The following ZDHHC5 variants were observed in gnomAD, a reference collection of about 807,000 sequenced individuals.
ZDHHC5 encodes the protein zDHHC palmitoyltransferase 5.
Under a neutral mutation model 70.0 loss-of-function variants are expected in ZDHHC5, and 22 were observed. The observed-to-expected ratio is 0.31, with a 90% CI of 0.22 to 0.45. ZDHHC5 has a LOEUF of 0.45. ZDHHC5 is among the 20% of genes least tolerant of loss of function. The pLI is 1.00. For synonymous variants in ZDHHC5, 313 were observed against 347.8 expected, an observed-to-expected ratio of 0.90 and a Z score of 1.11; for missense variants, 746 against 926.9, an observed-to-expected ratio of 0.80 and a Z score of 2.53.
At chr11:57,676,009 T>TGAAGA (rs1304525151) in intron 2 of ZDHHC5, among the ~76,000 whole-genome samples, 9 of 152,326 alleles carry the variant, frequency 5.9e-5, no homozygotes, top group African/African-American at 1.9e-4. Context: ...TACAACTAGC[T>TGAAGA]ACATTATTAG....
In ZDHHC5 at chr11:57,700,796, T is replaced by G. The variant is rs1946432987; in HGVS notation, c.*765T>G. 1 of 152,610 alleles carries G rather than the reference T, an allele frequency of 6.6e-6. No individual in the cohort carries two copies. The highest frequency in any genetic ancestry group is 6.5e-5 in the Admixed American group (1 of 15,272). 9.5% of individuals were successfully genotyped at this position (152,610 alleles called of 1,614,324 possible). On this transcript the variant is annotated 3_prime_UTR_variant, in exon 12 of 12. Transcript: ENST00000287169. ...GTGGTGGGAGATCAGGAAAATAACT[T>G]GGCCTAGCTCAAACAATATTGGATA... is the stretch of plus-strand genomic sequence containing the variant.
rs1338403675 is a variant in ZDHHC5, at chr11:57,672,233, A to G, written c.-858A>G. The G allele has an allele frequency of 2.0e-5, 8 of 398,464 alleles. No individual in the cohort carries two copies. The highest frequency in any genetic ancestry group is 2.7e-5 in the Non-Finnish European group (6 of 226,038). 24.7% of individuals were successfully genotyped at this position (398,464 alleles called of 1,614,324 possible). A position where few individuals can be genotyped will look rare whatever the true frequency, so the allele number is the denominator to read the frequency against. On this transcript the variant is annotated 5_prime_UTR_variant, in exon 2 of 12. Transcript: ENST00000287169. ...CTTCAAGGATTTTAAGTTTCCCTTT[A>G]GTTTTACATGAACTTTGTAGGAAAC...
At chr11:57,674,404 G>C (rs1476103074) in intron 2 of ZDHHC5, among the ~76,000 whole-genome samples, 1 of 149,746 alleles carries the variant, frequency 6.7e-6, no homozygotes, top group African/African-American at 2.5e-5. Flanking sequence ...CCAGGCTTCT[G>C]AGCCTTATAC....
rs1403332060 is a variant in ZDHHC5 at position 57,672,315 on chromosome 11, C to A, written c.-776C>A. The A allele has an allele frequency of 1.5e-5, 6 of 398,070 alleles. No individual in the cohort carries two copies. Among genetic ancestry groups the A allele is most frequent in the Non-Finnish European group, 1.3e-5 (3 of 225,974 alleles). The allele number at this position is 398,070 out of a possible 1,614,324, so 24.7% of individuals were successfully genotyped here. On this transcript the variant is annotated 5_prime_UTR_variant, in exon 2 of 12. Transcript: ENST00000287169. ...AGAGATTGAAGACAGAGAAGCTTGC[C>A]CTGTTTTCCTTGCCCCTTCAAAGAA...
chr11:57,692,700 C>T lies in ZDHHC5; in HGVS notation c.750C>T (p.Pro250=). The change falls in exon 7 of 12, where the codon CCC becomes CCT. Residue 250 remains proline (P), a splice_region_variant and synonymous_variant. Transcript: ENST00000287169. ...VSRVLCSSPA[P]RYLGRPKKEK... ...GTGTTCTCTGCAGTTCTCCAGCACC[C>T]AGGTACACCTATCCCTCTGGTCTAG... is the stretch of plus-strand genomic sequence containing the variant. 6.2e-7 allele frequency: 1 copy of T among 1,614,138 alleles called. No individual in the cohort carries two copies. The highest frequency in any genetic ancestry group is 1.1e-5 in the South Asian group (1 of 91,080).
At chr11:57,697,757 G>A (rs1337869534) in intron 10 of ZDHHC5, among the ~76,000 whole-genome samples, 1 of 150,796 alleles carries the variant, frequency 6.6e-6, no homozygotes. Flanking sequence ...TTGAACCTGG[G>A]AGGTGGAGGC....
chr11:57,686,192 G>T (rs970396923), intron 3 of ZDHHC5, among the ~76,000 whole-genome samples: 1 of 152,106 alleles, frequency 6.6e-6, no homozygotes, highest in Non-Finnish European at 1.5e-5. Flanking sequence ...TGGAGGATCA[G>T]TTGAGCCCAG....
chr11:57,676,012 A>G (rs1371293826), intron 2 of ZDHHC5, among the ~76,000 whole-genome samples: 1 of 152,208 alleles, frequency 6.6e-6, no homozygotes, highest in East Asian at 1.9e-4. Context: ...AACTAGCTAC[A>G]TTATTAGAAG....
At chr11:57,689,789 G>T (rs1486802770) in intron 4 of ZDHHC5, among the ~76,000 whole-genome samples, 4 of 151,160 alleles carry the variant, frequency 2.6e-5, no homozygotes, top group African/African-American at 9.7e-5. Context: ...CTGGGCTCAA[G>T]CCCCAGCCCC....
intron 10 of ZDHHC5, among the ~76,000 whole-genome samples, chr11:57,697,786 C>T (rs1946373279): frequency 6.9e-6 from 1 of 145,370 alleles, no homozygotes; most frequent in Admixed American, 7.0e-5. Flanking sequence ...GCTGAGCTCC[C>T]ACTGCTGTAT....
intron 3 of ZDHHC5, among the ~76,000 whole-genome samples, chr11:57,683,553 G>A (rs1394837797): frequency 3.3e-5 from 5 of 152,158 alleles, no homozygotes; most frequent in African/African-American, 7.2e-5. Context: ...AATGTCAAAC[G>A]GGTTTGGAGG....
At chr11:57,696,084 C>T in intron 9 of ZDHHC5, 41 bp downstream of exon 9, 4 of 1,588,288 alleles carry the variant, frequency 2.5e-6, no homozygotes, top group Non-Finnish European at 3.4e-6. Flanking sequence ...GAACTAGGGG[C>T]AGGATTGAGA....
rs563072034 is a variant in ZDHHC5 at position 57,700,102 on chromosome 11, C to T, written c.*71C>T. ...GGGCCCCAGGTGGCCACCTTCCTTC[C>T]CTCAAGGGGCTCCCCTCCCGTGCAT... On this transcript the variant is annotated 3_prime_UTR_variant, in exon 12 of 12. Coordinates refer to ENST00000287169, the MANE Select transcript of ZDHHC5 (RefSeq NM_015457.3). 2.7e-6 allele frequency: 4 copies of T among 1,493,320 alleles called. No individual in the cohort carries two copies. Among genetic ancestry groups the T allele is most frequent in the Non-Finnish European group, 3.6e-6 (4 of 1,120,704 alleles). 92.5% of individuals were successfully genotyped at this position (1,493,320 alleles called of 1,614,324 possible).
In ZDHHC5 at chr11:57,698,560, T is replaced by G; in HGVS notation, c.1124T>G (p.Leu375Trp). The G allele has an allele frequency of 1.3e-6, 2 of 1,595,658 alleles. No individual in the cohort carries two copies. The highest frequency in any genetic ancestry group is 1.7e-6 in the Non-Finnish European group (2 of 1,171,478). Residue 375 changes from leucine to tryptophan, a missense_variant and splice_region_variant, in exon 11 of 12, where the codon TTG becomes TGG. By Grantham distance (61) the Leu-to-Trp change is moderately conservative. Around this residue, in one of 6 missense-constraint regions of ZDHHC5, gnomAD observed 179 missense variants for 178.4 expected, o/e 1.00. Transcript: ENST00000287169. ...AAMPHSSSAK[L>W]SRGDSLKEPT... The stretch of plus-strand genomic sequence containing the variant: ...AGCCTGCTTTACTTTCTTCCTCAGT[T>G]GAGTCGTGGGGACAGCTTGAAGGAG...
chr11:57,678,908 C>T (rs1946109598), intron 2 of ZDHHC5, among the ~76,000 whole-genome samples: 1 of 152,122 alleles, frequency 6.6e-6, no homozygotes, highest in Non-Finnish European at 1.5e-5. Flanking sequence ...CCTTCATTCT[C>T]ATGTTTGTAC....
Position 57,688,510 on chromosome 11 carries a change from G to C in ZDHHC5, c.229G>C (p.Glu77Gln). Reference sequence around the variant, plus strand: ...TAATTGACTTTTCCTCTCTACAGCTGAGGAGGATGAGGACAAGGAAGATGA... The same window carrying C: ...TAATTGACTTTTCCTCTCTACAGCTCAGGAGGATGAGGACAAGGAAGATGA... ...FMDPGIFPRA[E>Q]EDEDKEDDFR... Residue 77 changes from glutamate to glutamine, a missense_variant and splice_region_variant, in exon 4 of 12, where the codon GAG becomes CAG. This residue lies in a region of ZDHHC5 where 89 missense variants were observed against 130.7 expected (regional missense o/e 0.68). Coordinates refer to ENST00000287169, the MANE Select transcript of ZDHHC5 (RefSeq NM_015457.3). 1 of 1,574,172 alleles carries C rather than the reference G, an allele frequency of 6.4e-7. No individual in the cohort carries two copies. The highest frequency in any genetic ancestry group is 8.6e-7 in the Non-Finnish European group (1 of 1,156,588).
chr11:57,698,002 C>CGG (rs1283139189), intron 10 of ZDHHC5, among the ~76,000 whole-genome samples: 1 of 149,222 alleles, frequency 6.7e-6, no homozygotes, highest in East Asian at 2.0e-4. Context: ...GGCGTGGTGG[C>CGG]GGGGCGCCTG....
rs973737257 is a variant in ZDHHC5 at position 57,688,562 on chromosome 11, T to C, written c.281T>C (p.Val94Ala). 3.1e-6 allele frequency: 5 copies of C among 1,608,072 alleles called. No homozygotes were observed. The highest frequency in any genetic ancestry group is 4.2e-6 in the Non-Finnish European group (5 of 1,177,376). ...TTCCGAGCTCCCCTTTACAAAACAGTGGAGATAAAGGGCATCCAGGTGCGC... is the reference window on the plus strand; with the variant it reads ...TTCCGAGCTCCCCTTTACAAAACAGCGGAGATAAAGGGCATCCAGGTGCGC... ...DDFRAPLYKT[V>A]EIKGIQVRMK... Residue 94 changes from valine (V) to alanine (A), a missense_variant, in exon 4 of 12, where the codon GTG (valine) becomes GCG (alanine). Around this residue, in one of 6 missense-constraint regions of ZDHHC5, gnomAD observed 89 missense variants for 130.7 expected, o/e 0.68. Coordinates refer to ENST00000287169, the MANE Select transcript of ZDHHC5 (RefSeq NM_015457.3).
Position 57,699,988 on chromosome 11 carries a change from A to G in ZDHHC5, c.2105A>G (p.Lys702Arg). 6.2e-7 allele frequency: 1 copy of G among 1,611,704 alleles called. No homozygotes were observed. The highest frequency in any genetic ancestry group is 8.5e-7 in the Non-Finnish European group (1 of 1,178,936). ...LSSPTRGGVK[K>R]VSGVGGTTYE... ...AGCCCCACGAGGGGAGGAGTCAAGA[A>G]GGTGTCAGGGGTTGGTGGTACCACC... is the stretch of plus-strand genomic sequence containing the variant. The change falls in exon 12 of 12, where the codon AAG (lysine) becomes AGG (arginine). Residue 702 changes from lysine (K) to arginine (R), a missense_variant. Physicochemically the swap from Lys to Arg is conservative, Grantham distance 26. Coordinates refer to ENST00000287169, the MANE Select transcript of ZDHHC5 (RefSeq NM_015457.3).
Sources: allele counts gnomAD v4.1 joint callset (sites outside exome capture counted in the v4.1 genomes callset), GRCh38; gene constraint gnomAD v4.1.1; regional missense constraint gnomAD v4.1.1; transcripts MANE v1.5; gene names NCBI Gene and HGNC (gene_info 2026-07-23, HGNC 2026-07-21).